Variants in TENM3 observed in about 807,000 individuals in gnomAD.
TENM3 encodes teneurin transmembrane protein 3.
TENM3 carries 63 observed loss-of-function variants against 255.1 expected under a neutral mutation model. That is an observed-to-expected ratio of 0.25 (90% confidence interval 0.20 to 0.30). The LOEUF (loss-of-function observed/expected upper bound fraction) is 0.30, where lower values mean the gene tolerates loss of function less well. Ranked by LOEUF, TENM3 falls within the 10% of genes least tolerant of loss-of-function variation. The probability of loss-of-function intolerance (pLI) is 1.00; values close to 1 mark genes in which losing one functional copy is unlikely to be tolerated. For synonymous variants in TENM3, 1,306 were observed against 1,322.3 expected (o/e 0.99, Z 0.27); for missense variants, 2,929 against 3,461.1 (o/e 0.85, Z 3.86).
intron 13 of TENM3, among the ~76,000 whole-genome samples, chr4:182,714,891 T>G (rs926966492): frequency 2.0e-5 from 3 of 152,142 alleles, no homozygotes; most frequent in Non-Finnish European, 4.4e-5. Context: ...TTGTTTTGTT[T>G]TTTGTTTTTT....
the TENM3 span, among the ~76,000 whole-genome samples, chr4:182,051,946 A>C: frequency 6.6e-6 from 1 of 152,044 alleles, no homozygotes; most frequent in Admixed American, 6.5e-5. Context: ...GGTGTTTTCA[A>C]ATGAGGACAG....
the TENM3 span, among the ~76,000 whole-genome samples, chr4:181,989,311 G>T: frequency 6.6e-6 from 1 of 151,976 alleles, no homozygotes; most frequent in Non-Finnish European, 1.5e-5. Context: ...AGCAGGGTGG[G>T]GATGGTGTTG....
chr4:182,222,740 T>A (rs1755918374), intron 1 of TENM3, among the ~76,000 whole-genome samples: 2 of 152,194 alleles, frequency 1.3e-5, no homozygotes, highest in African/African-American at 2.4e-5. Context: ...TTTTAGTGAT[T>A]TATTCTTTTT....
intron 3 of TENM3, among the ~76,000 whole-genome samples, chr4:182,436,402 G>A (rs1322256091): frequency 6.6e-6 from 1 of 152,174 alleles, no homozygotes; most frequent in Non-Finnish European, 1.5e-5. Flanking sequence ...AGGGGATTGA[G>A]CAGTAAGCTT....
chr4:181,968,370 C>A, the TENM3 span, among the ~76,000 whole-genome samples: 1 of 152,120 alleles, frequency 6.6e-6, no homozygotes, highest in Non-Finnish European at 1.5e-5. Flanking sequence ...GCATTCGGGC[C>A]GCGGTTGTCA....
chr4:181,515,616 T>TAG, the TENM3 span, among the ~76,000 whole-genome samples: 1 of 152,090 alleles, frequency 6.6e-6, no homozygotes, highest in African/African-American at 2.4e-5. Flanking sequence ...GTTCGAATTG[T>TAG]GTCTAGGGGT....
chr4:181,605,510 GAAA>G, the TENM3 span, among the ~76,000 whole-genome samples: 5 of 15,940 alleles, frequency 3.1e-4, no homozygotes, highest in African/African-American at 6.6e-4. Flanking sequence ...AAGAAAGAAA[GAAA>G]GAAAGAAAGA....
chr4:182,768,536 A>G (rs1763913440), intron 22 of TENM3, among the ~76,000 whole-genome samples: 1 of 152,186 alleles, frequency 6.6e-6, no homozygotes, highest in Non-Finnish European at 1.5e-5. Context: ...AAGTCTAGGG[A>G]AGCTCTGGGA....
At chr4:181,932,800 G>A in the TENM3 span, among the ~76,000 whole-genome samples, 6 of 152,160 alleles carry the variant, frequency 3.9e-5, no homozygotes, top group African/African-American at 9.7e-5. Flanking sequence ...TAAAGAAAAT[G>A]TGGCACATAT....
At chr4:182,159,213 A>G (rs1390834934) in intron 1 of TENM3, among the ~76,000 whole-genome samples, 2 of 152,192 alleles carry the variant, frequency 1.3e-5, no homozygotes, top group Admixed American at 6.5e-5. Flanking sequence ...AGTCATTGTC[A>G]TCGGCACCTT....
intron 3 of TENM3, among the ~76,000 whole-genome samples, chr4:182,363,876 A>C (rs572262121): frequency 7.2e-5 from 11 of 152,316 alleles, no homozygotes; most frequent in Non-Finnish European, 1.5e-4. Flanking sequence ...AAATTTTAGC[A>C]TACAGCAGAT....
chr4:182,162,323 C>T (rs932693768), intron 1 of TENM3, among the ~76,000 whole-genome samples: 1 of 152,156 alleles, frequency 6.6e-6, no homozygotes, highest in Non-Finnish European at 1.5e-5. Flanking sequence ...TTGAGCCCAA[C>T]ATTGGCTTAG....
chr4:182,693,081 C>G (rs1757132472), intron 12 of TENM3, among the ~76,000 whole-genome samples: 1 of 152,092 alleles, frequency 6.6e-6, no homozygotes, highest in African/African-American at 2.4e-5. Context: ...GAGAAACCAT[C>G]TTCACTTTTT....
the TENM3 span, among the ~76,000 whole-genome samples, chr4:181,493,873 A>C: frequency 7.4e-4 from 112 of 152,294 alleles, 1 homozygote; most frequent in African/African-American, 2.6e-3. Context: ...CTTTCTGCAG[A>C]GCTCCCTCCA....
At chr4:181,679,336 G>A in the TENM3 span, among the ~76,000 whole-genome samples, 2 of 151,922 alleles carry the variant, frequency 1.3e-5, no homozygotes, top group South Asian at 2.1e-4. Context: ...CCCCATTCAC[G>A]AATCTTTCAT....
intron 3 of TENM3, among the ~76,000 whole-genome samples, chr4:182,524,352 C>CTTT (rs138783384): frequency 1.7e-5 from 1 of 59,444 alleles, no homozygotes. Flanking sequence ...CACTGATGAG[C>CTTT]TTTTTTTTTT....
chr4:181,781,599 G>T, the TENM3 span, among the ~76,000 whole-genome samples: 1 of 152,006 alleles, frequency 6.6e-6, no homozygotes, highest in Non-Finnish European at 1.5e-5. Context: ...TCCTAATTGA[G>T]TACCCTTTAT....
the TENM3 span, among the ~76,000 whole-genome samples, chr4:181,564,683 G>C: frequency 1.3e-5 from 2 of 152,138 alleles, no homozygotes; most frequent in African/African-American, 4.8e-5. Context: ...TCTCTGCCGT[G>C]AAAGTGTAGA....
the TENM3 span, among the ~76,000 whole-genome samples, chr4:181,641,790 T>C: frequency 1.9e-5 from 2 of 103,096 alleles, no homozygotes; most frequent in Non-Finnish European, 3.7e-5. Context: ...ACACCATATA[T>C]ATATACACAC....
Sources: gnomAD v4.1 joint callset for allele counts (sites outside exome capture counted in the v4.1 genomes callset) on GRCh38, gnomAD v4.1.1 for gene constraint, MANE v1.5 for transcripts, NCBI Gene and HGNC (gene_info 2026-07-23, HGNC 2026-07-21) for gene names.